Variants in LEPR observed in about 807,000 individuals in gnomAD.
LEPR encodes the protein OB receptor.
Under a neutral mutation model 114.7 loss-of-function variants are expected in LEPR, and 56 were observed. The ratio of observed to expected loss-of-function variants is 0.49; its 90% CI spans 0.39 to 0.61. The LOEUF is 0.61. LEPR is among the 20% of genes least tolerant of loss of function. The probability of loss-of-function intolerance (pLI) is 0.00; values close to 1 mark genes in which losing one functional copy is unlikely to be tolerated. For synonymous variants in LEPR, 443 were observed against 461.4 expected, an observed-to-expected ratio of 0.96 and a Z score of 0.51; for missense variants, 1,202 against 1,352.9, an observed-to-expected ratio of 0.89 and a Z score of 1.75.
intron 2 of LEPR, among the ~76,000 whole-genome samples, chr1:65,542,463 T>G (rs1259229823): frequency 1.3e-5 from 2 of 149,138 alleles, no homozygotes; most frequent in African/African-American, 4.9e-5. Context: ...TGCCTATTCT[T>G]TTTTTTTTTT....
intron 15 of LEPR, 77 bp from the exon 16 acceptor site, chr1:65,617,887 T>A: frequency 1.0e-5 from 14 of 1,387,580 alleles, no homozygotes; most frequent in Non-Finnish European, 1.3e-5. Flanking sequence ...CTTTAGTAGG[T>A]TATAAGTTCC....
chr1:65,626,134 C>A lies in LEPR; in HGVS notation c.2673+3153C>A. 1.2e-6 allele frequency: 2 copies of A among 1,612,320 alleles called. No homozygotes were observed. Among genetic ancestry groups the A allele is most frequent in the Non-Finnish European group, 1.7e-6 (2 of 1,179,654 alleles). ...TTTCCCTTTTCCAGAAAATGCCTGGCACAAAGGAACTACTGGGTGGAGGTT... is the reference window on the plus strand; with the variant it reads ...TTTCCCTTTTCCAGAAAATGCCTGGAACAAAGGAACTACTGGGTGGAGGTT... On this transcript the variant is annotated intron_variant, in intron 19 of 19. Transcript: ENST00000349533.
intron 2 of LEPR, among the ~76,000 whole-genome samples, chr1:65,446,044 C>T (rs888819100): frequency 6.6e-6 from 1 of 152,082 alleles, no homozygotes. Context: ...TGCGTAATGA[C>T]CAGAGATATT....
intron 2 of LEPR, chr1:65,434,319 C>T (rs1395656890): frequency 2.0e-6 from 2 of 984,618 alleles, no homozygotes; most frequent in Non-Finnish European, 2.4e-6. Flanking sequence ...TTATAAAAGG[C>T]TCTTTTTTTA....
intron 12 of LEPR, 144 bp from the exon 13 acceptor site, chr1:65,609,803 T>A: frequency 8.6e-7 from 1 of 1,160,692 alleles, no homozygotes; most frequent in South Asian, 1.3e-5. Context: ...AGCCTAATTG[T>A]GACTATTTCT....
chr1:65,422,603 G>C (rs892068198), intron 1 of LEPR, among the ~76,000 whole-genome samples: 3 of 152,248 alleles, frequency 2.0e-5, no homozygotes, highest in African/African-American at 7.2e-5. Flanking sequence ...TGCTTGAACT[G>C]AATCTGAAGG....
chr1:65,454,704 C>A (rs1001610186), intron 2 of LEPR, among the ~76,000 whole-genome samples: 1 of 152,134 alleles, frequency 6.6e-6, no homozygotes, highest in African/African-American at 2.4e-5. Flanking sequence ...TTCTCTCTGG[C>A]TGCCCTTAAC....
chr1:65,605,298 G>A, intron 11 of LEPR, 61 bp downstream of exon 11: 21 of 1,595,400 alleles, frequency 1.3e-5, no homozygotes, highest in Non-Finnish European at 1.8e-5. Flanking sequence ...GATTGATGCA[G>A]ATTTAATGTT....
chr1:65,429,000 A>G (rs1646432730), intron 2 of LEPR, among the ~76,000 whole-genome samples: 1 of 152,140 alleles, frequency 6.6e-6, no homozygotes, highest in African/African-American at 2.4e-5. Context: ...AAATTTATTT[A>G]TTATTTTATT....
At chr1:65,612,765 T>G (rs1657257673) in intron 14 of LEPR, among the ~76,000 whole-genome samples, 1 of 152,084 alleles carries the variant, frequency 6.6e-6, no homozygotes, top group Admixed American at 6.6e-5. Context: ...TTGTCTAATG[T>G]TTTCTCATGA....
At chr1:65,445,266 T>G (rs931609287) in intron 2 of LEPR, among the ~76,000 whole-genome samples, 2 of 152,224 alleles carry the variant, frequency 1.3e-5, no homozygotes, top group African/African-American at 4.8e-5. Flanking sequence ...TGCTCCTGGC[T>G]GTGTTCAATG....
At chr1:65,487,017 A>G (rs895324278) in intron 2 of LEPR, among the ~76,000 whole-genome samples, 2 of 152,168 alleles carry the variant, frequency 1.3e-5, no homozygotes, top group Non-Finnish European at 1.5e-5. Context: ...AAAACAGTTT[A>G]TTCAATCTAA....
intron 2 of LEPR, among the ~76,000 whole-genome samples, chr1:65,475,006 C>CAAAAAAAA (rs1325552861): frequency 4.2e-5 from 1 of 23,918 alleles, no homozygotes; most frequent in African/African-American, 1.4e-4. Flanking sequence ...GACTCCATCT[C>CAAAAAAAA]AAAAAAAAAA....
At chr1:65,486,991 G>C (rs1437249069) in intron 2 of LEPR, among the ~76,000 whole-genome samples, 1 of 152,096 alleles carries the variant, frequency 6.6e-6, no homozygotes, top group Non-Finnish European at 1.5e-5. Flanking sequence ...TGTTAGTTCT[G>C]TTCCTACCAC....
At chr1:65,447,835 A>G (rs891604199) in intron 2 of LEPR, among the ~76,000 whole-genome samples, 1 of 152,012 alleles carries the variant, frequency 6.6e-6, no homozygotes, top group African/African-American at 2.4e-5. Context: ...TTCAAATTCC[A>G]CTTGTTCATT....
intron 19 of LEPR, chr1:65,634,016 G>A (rs1293645935): frequency 1.0e-6 from 1 of 985,152 alleles, no homozygotes; most frequent in African/African-American, 1.7e-5. Context: ...TGGCAGGCAG[G>A]GAAATGGGCA....
chr1:65,548,339 G>C (rs774219097), intron 2 of LEPR, among the ~76,000 whole-genome samples: 33 of 152,176 alleles, frequency 2.2e-4, no homozygotes, highest in South Asian at 4.2e-4. Context: ...TGGTGCAGAG[G>C]TGAGTTCAAT....
chr1:65,460,673 A>T (rs1646933668), intron 2 of LEPR, among the ~76,000 whole-genome samples: 1 of 152,028 alleles, frequency 6.6e-6, no homozygotes, highest in Non-Finnish European at 1.5e-5. Flanking sequence ...CCTGGCCAAC[A>T]TGGTGAAACC....
At chr1:65,554,690 C>T (rs1407180557) in intron 2 of LEPR, among the ~76,000 whole-genome samples, 1 of 152,048 alleles carries the variant, frequency 6.6e-6, no homozygotes, top group Non-Finnish European at 1.5e-5. Flanking sequence ...GACTCCCTGG[C>T]TTCAGCCTTT....
Sources: gnomAD v4.1 joint callset for allele counts (sites outside exome capture counted in the v4.1 genomes callset) on GRCh38, gnomAD v4.1.1 for gene constraint, MANE v1.5 for transcripts, NCBI Gene and HGNC (gene_info 2026-07-23, HGNC 2026-07-21) for gene names.